The following PTP4A1 variants were observed in gnomAD, a reference collection of about 807,000 sequenced individuals.
PTP4A1 encodes the protein protein tyrosine phosphatase type IVA 1.
PTP4A1 carries 9 observed loss-of-function variants against 20.5 expected under a neutral mutation model. That is an observed-to-expected ratio of 0.44 (90% confidence interval 0.26 to 0.77). PTP4A1 has a LOEUF of 0.77. Among genes scored for constraint, PTP4A1 ranks in the 30% least tolerant of loss-of-function variants. PTP4A1 has a pLI of 0.19. For synonymous variants in PTP4A1, 78 were observed against 67.4 expected (o/e 1.16, Z -0.77); for missense variants, 137 against 218.8 (o/e 0.63, Z 2.36).
intron 2 of PTP4A1, chr6:63,549,154 T>A (rs1460261508): frequency 1.5e-5 from 10 of 685,084 alleles, no homozygotes; most frequent in Non-Finnish European, 2.1e-5. Flanking sequence ...GCTTTCTTTT[T>A]GGCCAGGGCC....
At chr6:63,545,524 T>A (rs1210743783) in intron 2 of PTP4A1, among the ~76,000 whole-genome samples, 5 of 151,984 alleles carry the variant, frequency 3.3e-5, no homozygotes, top group African/African-American at 4.8e-5. Context: ...GGCAGGAGAA[T>A]TGCTTGAACC....
At chr6:63,524,421 T>C (rs1385240394) in intron 1 of PTP4A1, among the ~76,000 whole-genome samples, 5 of 152,202 alleles carry the variant, frequency 3.3e-5, no homozygotes, top group Non-Finnish European at 7.3e-5. Context: ...ATGAATTTCT[T>C]CTAAGAGGAC....
At chr6:63,564,659 C>A (rs976516757) in intron 3 of PTP4A1, among the ~76,000 whole-genome samples, 1 of 152,162 alleles carries the variant, frequency 6.6e-6, no homozygotes, top group East Asian at 1.9e-4. Flanking sequence ...ATACTCCATT[C>A]CCTTTCTCTA....
intron 2 of PTP4A1, among the ~76,000 whole-genome samples, chr6:63,577,935 C>G (rs918408255): frequency 1.3e-5 from 2 of 150,290 alleles, no homozygotes; most frequent in African/African-American, 4.9e-5. Flanking sequence ...CATTTTGAAG[C>G]CTGTAGTTTT....
intron 2 of PTP4A1, among the ~76,000 whole-genome samples, chr6:63,534,348 G>A (rs979139460): frequency 2.0e-5 from 3 of 152,006 alleles, no homozygotes; most frequent in Non-Finnish European, 4.4e-5. Flanking sequence ...TAAGTTAGGA[G>A]CAATGGTTCT....
intron 4 of PTP4A1, 28 bp from the exon 5 acceptor site, chr6:63,579,229 C>A (rs760104164): frequency 1.3e-6 from 2 of 1,569,866 alleles, no homozygotes; most frequent in South Asian, 2.3e-5. Context: ...TTTGAAAAAA[C>A]TATTTATCAA....
chr6:63,562,592 A>T (rs1777012396), intron 3 of PTP4A1, among the ~76,000 whole-genome samples: 1 of 152,246 alleles, frequency 6.6e-6, no homozygotes, highest in Non-Finnish European at 1.5e-5. Flanking sequence ...TTTCTATCTC[A>T]GAGTCTGAGT....
intron 1 of PTP4A1, among the ~76,000 whole-genome samples, chr6:63,522,153 T>A (rs1273838257): frequency 6.6e-6 from 1 of 152,226 alleles, no homozygotes; most frequent in Non-Finnish European, 1.5e-5. Context: ...AATTTCCTTA[T>A]CCCAACTCTA....
At chr6:63,547,155 G>GTTTACAGAAGTTTACAGA (rs1776227262) in intron 2 of PTP4A1, among the ~76,000 whole-genome samples, 1 of 151,548 alleles carries the variant, frequency 6.6e-6, no homozygotes, top group Non-Finnish European at 1.5e-5. Flanking sequence ...TGCCTTTCAG[G>GTTTACAGAAGTTTACAGA]AGTTCAGAAG....
intron 3 of PTP4A1, among the ~76,000 whole-genome samples, chr6:63,567,413 C>T (rs1197097038): frequency 6.6e-6 from 1 of 152,182 alleles, no homozygotes; most frequent in Non-Finnish European, 1.5e-5. Context: ...CCTTGTACAT[C>T]TCCATCAGAG....
intron 2 of PTP4A1, among the ~76,000 whole-genome samples, chr6:63,531,866 C>T (rs1320232940): frequency 6.6e-6 from 1 of 150,406 alleles, no homozygotes; most frequent in Non-Finnish European, 1.5e-5. Context: ...CTTGCTCTAT[C>T]ACCCAGGCTC....
At chr6:63,578,384 G>C (rs1778008880) in intron 2 of PTP4A1, 53 bp from the exon 3 acceptor site, 3 of 1,553,908 alleles carry the variant, frequency 1.9e-6, no homozygotes, top group Non-Finnish European at 2.6e-6. Context: ...AAAATGTTGA[G>C]TTATAGTGAT....
intron 1 of PTP4A1, among the ~76,000 whole-genome samples, chr6:63,524,850 T>G (rs574324058): frequency 6.6e-6 from 1 of 152,254 alleles, no homozygotes; most frequent in South Asian, 2.1e-4. Flanking sequence ...TATATGTGAA[T>G]GCGAGATGTG....
intron 2 of PTP4A1, among the ~76,000 whole-genome samples, chr6:63,545,568 G>A (rs1776147390): frequency 6.6e-6 from 1 of 151,992 alleles, no homozygotes; most frequent in African/African-American, 2.4e-5. Flanking sequence ...CCGAGATCAT[G>A]CCATTGCACT....
intron 1 of PTP4A1, among the ~76,000 whole-genome samples, chr6:63,573,841 A>T (rs1018904367): frequency 6.6e-5 from 10 of 152,304 alleles, no homozygotes; most frequent in African/African-American, 2.2e-4. Context: ...GGGCACCAGC[A>T]TACATTTCCC....
intron 3 of PTP4A1, among the ~76,000 whole-genome samples, chr6:63,554,063 G>A (rs1457985684): frequency 6.6e-6 from 1 of 152,254 alleles, no homozygotes; most frequent in East Asian, 1.9e-4. Context: ...GAGTAATTCA[G>A]TGCTGTAATT....
chr6:63,549,093 C>T (rs779098964), intron 2 of PTP4A1: 25 of 707,882 alleles, frequency 3.5e-5, no homozygotes, highest in Admixed American at 1.6e-4. Context: ...GGTGTTAACT[C>T]CTGCTCGAAG....
chr6:63,577,860 C>G, intron 2 of PTP4A1, among the ~76,000 whole-genome samples: 1 of 149,286 alleles, frequency 6.7e-6, no homozygotes, highest in East Asian at 1.9e-4. Flanking sequence ...TATATATACA[C>G]TAATATATAC....
rs1778246041 is a variant in PTP4A1, at chr6:63,581,746, A to G, written c.*1572A>G. Reference sequence around the variant, plus strand: ...AGGACAGCCTTGGTTTGTAAAGCTCAGTTCCACTAGTTCATGGTTTTGTGC... The same window carrying G: ...AGGACAGCCTTGGTTTGTAAAGCTCGGTTCCACTAGTTCATGGTTTTGTGC... On this transcript the variant is annotated 3_prime_UTR_variant, in exon 6 of 6. Transcript: ENST00000626021. 1 of 152,206 alleles carries G rather than the reference A, an allele frequency of 6.6e-6. No individual in the cohort carries two copies. Among genetic ancestry groups the G allele is most frequent in the African/African-American group, 2.4e-5 (1 of 41,466 alleles). The allele number at this position is 152,206 out of a possible 1,614,324, so 9.4% of individuals were successfully genotyped here.
Sources: gnomAD v4.1 joint callset for allele counts (sites outside exome capture counted in the v4.1 genomes callset) on GRCh38, gnomAD v4.1.1 for gene constraint, MANE v1.5 for transcripts, NCBI Gene and HGNC (gene_info 2026-07-23, HGNC 2026-07-21) for gene names.